Variants in BABAM2 observed in about 807,000 individuals in gnomAD.
The protein encoded by BABAM2 is BRISC and BRCA1 A complex member 2.
A neutral mutation model predicts 54.7 loss-of-function variants in BABAM2; 31 were observed. The ratio of observed to expected loss-of-function variants is 0.57; its 90% CI spans 0.43 to 0.77. BABAM2 has a LOEUF of 0.77. BABAM2 is among the 30% of genes least tolerant of loss of function. The pLI is 0.00. For synonymous variants in BABAM2, 167 were observed against 162.9 expected, an observed-to-expected ratio of 1.03 and a Z score of -0.19; for missense variants, 364 against 455.8, an observed-to-expected ratio of 0.80 and a Z score of 1.83.
At chr2:27,952,326 C>T (rs1011182721) in intron 3 of BABAM2, among the ~76,000 whole-genome samples, 1 of 152,186 alleles carries the variant, frequency 6.6e-6, no homozygotes, top group Non-Finnish European at 1.5e-5. Flanking sequence ...GATGAGTCTA[C>T]ATAGTGTCAA....
chr2:28,319,945 T>G (rs909121436), intron 11 of BABAM2, among the ~76,000 whole-genome samples: 11 of 151,972 alleles, frequency 7.2e-5, no homozygotes, highest in African/African-American at 2.7e-4. Flanking sequence ...GCGCAGTGTG[T>G]GCTGTGGCGG....
At chr2:28,289,427 C>T (rs1002282785) in intron 10 of BABAM2, among the ~76,000 whole-genome samples, 4 of 151,998 alleles carry the variant, frequency 2.6e-5, no homozygotes, top group Admixed American at 6.5e-5. Context: ...AAACAAATAC[C>T]CATGTACCCA....
intron 5 of BABAM2, among the ~76,000 whole-genome samples, chr2:28,041,840 G>T (rs760342785): frequency 1.3e-4 from 20 of 152,242 alleles, no homozygotes; most frequent in Non-Finnish European, 2.1e-4. Context: ...CATGTTGAAA[G>T]AATCACTCTG....
At chr2:28,263,614 A>G (rs1462517700) in intron 10 of BABAM2, among the ~76,000 whole-genome samples, 1 of 152,084 alleles carries the variant, frequency 6.6e-6, no homozygotes, top group East Asian at 1.9e-4. Flanking sequence ...AAATAGTACC[A>G]TTTTCTGGGT....
intron 10 of BABAM2, among the ~76,000 whole-genome samples, chr2:28,278,794 G>A (rs1028636684): frequency 1.3e-5 from 2 of 152,198 alleles, no homozygotes; most frequent in Non-Finnish European, 2.9e-5. Flanking sequence ...ATGAGAACCA[G>A]GAGAGAGGGC....
chr2:27,985,495 C>T (rs914267996), intron 3 of BABAM2, among the ~76,000 whole-genome samples: 4 of 151,994 alleles, frequency 2.6e-5, no homozygotes, highest in Non-Finnish European at 5.9e-5. Context: ...AGCATTTTTT[C>T]ATATGTTTGT....
At chr2:28,105,236 A>T (rs1253895430) in intron 6 of BABAM2, among the ~76,000 whole-genome samples, 3 of 152,222 alleles carry the variant, frequency 2.0e-5, no homozygotes, top group Non-Finnish European at 2.9e-5. Flanking sequence ...GTCAAAAAAA[A>T]AAGTATTGCT....
At chr2:28,159,542 C>T (rs563803787) in intron 7 of BABAM2, among the ~76,000 whole-genome samples, 1 of 152,262 alleles carries the variant, frequency 6.6e-6, no homozygotes, top group African/African-American at 2.4e-5. Flanking sequence ...GGGTGCCTGG[C>T]ATTTTTAGGG....
At chr2:27,892,438 C>T (rs760441001) in intron 1 of BABAM2, 2 of 152,004 alleles carry the variant, frequency 1.3e-5, no homozygotes, top group African/African-American at 4.8e-5. Context: ...AAGAACAATT[C>T]GGTAATATAG....
At chr2:28,336,393 T>A (rs937828978) in intron 11 of BABAM2, among the ~76,000 whole-genome samples, 7 of 151,998 alleles carry the variant, frequency 4.6e-5, no homozygotes, top group Non-Finnish European at 1.0e-4. Context: ...AACACTAGTT[T>A]GAGTTACAGA....
chr2:28,025,520 C>A, intron 5 of BABAM2, 100 bp downstream of exon 5: 1 of 1,185,868 alleles, frequency 8.4e-7, no homozygotes, highest in Non-Finnish European at 1.1e-6. Context: ...TTTAGATAAA[C>A]ATGGTCCAGG....
chr2:28,094,923 T>C (rs1049959486), intron 6 of BABAM2, among the ~76,000 whole-genome samples: 15 of 151,636 alleles, frequency 9.9e-5, no homozygotes, highest in East Asian at 1.9e-4. Context: ...TTTTTTTTTT[T>C]CACAATGCCT....
intron 5 of BABAM2, among the ~76,000 whole-genome samples, chr2:28,026,921 TATATAA>T (rs1675843955): frequency 3.4e-5 from 1 of 29,782 alleles, no homozygotes; most frequent in Non-Finnish European, 7.6e-5. Flanking sequence ...TATATTAATA[TATATAA>T]ATATATATAT....
chr2:27,948,874 G>C (rs570398055), intron 3 of BABAM2, among the ~76,000 whole-genome samples: 4 of 152,294 alleles, frequency 2.6e-5, no homozygotes, highest in African/African-American at 9.6e-5. Context: ...TATTATGTTG[G>C]CTATGTATTT....
intron 2 of BABAM2, among the ~76,000 whole-genome samples, chr2:27,900,569 A>G (rs1665703094): frequency 6.6e-6 from 1 of 152,190 alleles, no homozygotes. Flanking sequence ...TGTAGTAAGT[A>G]GGATTTGAAT....
Position 28,099,319 on chromosome 2 carries a change from C to G in BABAM2, c.571-29952C>G, listed in dbSNP as rs561456965. Among the ~76,000 whole-genome samples the G allele has an allele frequency of 2.0e-5, 3 of 152,270 alleles. No homozygotes were observed. In the South Asian group the frequency reaches 6.2e-4, roughly 32 times the overall value. ...GAGTTTCTGTGCCCAGAAGGCCAAA[C>G]TCTGTCCACCAAGAACATAAACTGC... On this transcript the variant is annotated intron_variant, in intron 6 of 11. Transcript: ENST00000379624.
At chr2:28,171,320 T>A (rs10189381) in intron 7 of BABAM2, among the ~76,000 whole-genome samples, 150,760 of 152,332 alleles carry the variant, frequency 0.99, 74,628 homozygotes, top group Middle Eastern at 1. Flanking sequence ...TGATGATGGG[T>A]TTCTCACATC....
At chr2:27,896,407 G>A in intron 2 of BABAM2, 1 of 154,964 alleles carries the variant, frequency 6.5e-6, no homozygotes, top group Non-Finnish European at 1.4e-5. Context: ...TTCCTTTCAA[G>A]GGCATCCACT....
At chr2:28,234,474 A>G (rs1681720090) in intron 7 of BABAM2, among the ~76,000 whole-genome samples, 1 of 152,118 alleles carries the variant, frequency 6.6e-6, no homozygotes, top group Admixed American at 6.6e-5. Flanking sequence ...AGTTTAAAGG[A>G]TTACTCAGAC....
Sources: gnomAD v4.1 joint callset for allele counts (sites outside exome capture counted in the v4.1 genomes callset) on GRCh38, gnomAD v4.1.1 for gene constraint, MANE v1.5 for transcripts, NCBI Gene and HGNC (gene_info 2026-07-23, HGNC 2026-07-21) for gene names.